TTBK2: variants seen among roughly 807,000 people sequenced by gnomAD.
TTBK2 encodes tau-tubulin kinase 2.
In TTBK2, 28 loss-of-function variants were observed where a neutral mutation model predicts 110.8. The ratio of observed to expected loss-of-function variants is 0.25; its 90% CI spans 0.19 to 0.35. The LOEUF (loss-of-function observed/expected upper bound fraction) is 0.35. Among genes scored for constraint, TTBK2 ranks in the 10% least tolerant of loss-of-function variants. The probability of loss-of-function intolerance (pLI) is 1.00; values close to 1 mark genes in which losing one functional copy is unlikely to be tolerated. For synonymous variants in TTBK2, 532 were observed against 527.3 expected (o/e 1.01, Z -0.12); for missense variants, 1,369 against 1,500.3 (o/e 0.91, Z 1.45).
chr15:42,849,949 CTG>C (rs1173837674), intron 3 of TTBK2, among the ~76,000 whole-genome samples: 3 of 152,158 alleles, frequency 2.0e-5, no homozygotes, highest in Non-Finnish European at 4.4e-5. Context: ...CAGCAGAACT[CTG>C]GGGCTTTACT....
intron 1 of TTBK2, among the ~76,000 whole-genome samples, chr15:42,896,877 G>A (rs191102426): frequency 2.6e-5 from 4 of 151,608 alleles, no homozygotes; most frequent in East Asian, 3.9e-4. Context: ...TAATTTTTCA[G>A]TTTTAGATTT....
chr15:42,876,163 T>C (rs1032415090), intron 2 of TTBK2, among the ~76,000 whole-genome samples: 2 of 152,100 alleles, frequency 1.3e-5, no homozygotes, highest in Non-Finnish European at 2.9e-5. Flanking sequence ...CACAAAACTG[T>C]AAGCAAAATA....
At chr15:42,859,770 G>C (rs184867888) in intron 3 of TTBK2, among the ~76,000 whole-genome samples, 2 of 152,296 alleles carry the variant, frequency 1.3e-5, no homozygotes, top group East Asian at 3.9e-4. Context: ...CAGGGATGTT[G>C]AAACAATCAG....
chr15:42,841,266 G>C (rs918332158), intron 3 of TTBK2, among the ~76,000 whole-genome samples: 14 of 152,202 alleles, frequency 9.2e-5, no homozygotes, highest in Admixed American at 8.5e-4. Flanking sequence ...AAGTGCAGTG[G>C]CAAGATCTTG....
At chr15:42,802,149 G>A (rs1198965871) in intron 9 of TTBK2, 8 of 1,409,790 alleles carry the variant, frequency 5.7e-6, no homozygotes, top group Non-Finnish European at 7.9e-6. Context: ...CCTCCTGGGT[G>A]CGCACGGCCT....
intron 9 of TTBK2, among the ~76,000 whole-genome samples, chr15:42,795,433 AG>A (rs1890894471): frequency 6.6e-6 from 1 of 152,120 alleles, no homozygotes; most frequent in Admixed American, 6.6e-5. Context: ...GATCTTAAGA[AG>A]GGTCTCATAA....
intron 10 of TTBK2, among the ~76,000 whole-genome samples, chr15:42,792,234 G>A (rs1890720550): frequency 6.6e-6 from 1 of 152,150 alleles, no homozygotes; most frequent in African/African-American, 2.4e-5. Flanking sequence ...TTGAGGTAAT[G>A]GATATCCTAA....
intron 1 of TTBK2, among the ~76,000 whole-genome samples, chr15:42,892,404 T>C (rs1895493328): frequency 6.6e-6 from 1 of 152,118 alleles, no homozygotes; most frequent in South Asian, 2.1e-4. Context: ...ATTTATTATT[T>C]GGACCTTTAA....
At position 42,875,905 on chromosome 15, in the gene TTBK2, C is replaced by CAAAAA. The variant is rs57982301; in HGVS notation, c.69+2639_69+2643dup. Among the ~76,000 whole-genome samples the CAAAAA allele has an allele frequency of 9.9e-4, 56 of 56,336 alleles. 1 individual carries two copies. Among genetic ancestry groups the CAAAAA allele is most frequent in the East Asian group, 2.2e-3 (4 of 1,780 alleles). 37.0% of individuals were successfully genotyped at this position (56,336 alleles called of 152,430 possible). ...TGGGCGACAGAGCAAGACTCCGTCT[C>CAAAAA]AAAAAAAAAAAAAAAAAAAAAAGAA... On this transcript the variant is annotated intron_variant, in intron 2 of 14. Coordinates refer to ENST00000267890, the MANE Select transcript of TTBK2 (RefSeq NM_173500.4).
chr15:42,860,282 CA>C (rs915510708), intron 3 of TTBK2, among the ~76,000 whole-genome samples: 93 of 149,238 alleles, frequency 6.2e-4, no homozygotes, highest in African/African-American at 2.3e-3. Flanking sequence ...AACAAACAAA[CA>C]AAAAACCCCA....
intron 1 of TTBK2, among the ~76,000 whole-genome samples, chr15:42,915,773 C>A (rs1007547936): frequency 5.3e-5 from 8 of 152,054 alleles, no homozygotes; most frequent in African/African-American, 1.7e-4. Flanking sequence ...ATAGTGGGAC[C>A]CCACCTATAC....
chr15:42,761,583 C>CAAAAAAAAAAAAAAAAA (rs201258034), intron 13 of TTBK2, among the ~76,000 whole-genome samples: 1 of 104,284 alleles, frequency 9.6e-6, no homozygotes. Flanking sequence ...TCTCAACAGC[C>CAAAAAAAAAAAAAAAAA]AAAAAAAAAA....
chr15:42,750,800 A>C (rs2061855354), intron 14 of TTBK2, among the ~76,000 whole-genome samples: 1 of 152,252 alleles, frequency 6.6e-6, no homozygotes, highest in Admixed American at 6.5e-5. Context: ...TCAGAGACCC[A>C]CAATGAGACA....
At chr15:42,788,807 A>T (rs1182684888) in intron 10 of TTBK2, among the ~76,000 whole-genome samples, 1 of 152,124 alleles carries the variant, frequency 6.6e-6, no homozygotes, top group East Asian at 1.9e-4. Flanking sequence ...TATAACCCAA[A>T]CTGAAAATGT....
chr15:42,817,975 A>C (rs1892111723), intron 6 of TTBK2, among the ~76,000 whole-genome samples: 1 of 151,984 alleles, frequency 6.6e-6, no homozygotes, highest in Admixed American at 6.6e-5. Flanking sequence ...CTGTGGTGCC[A>C]CTCTATTCTT....
chr15:42,828,953 G>GT (rs1036310002), intron 5 of TTBK2, among the ~76,000 whole-genome samples: 2 of 151,852 alleles, frequency 1.3e-5, no homozygotes, highest in Admixed American at 6.6e-5. Context: ...AGAATTGTTA[G>GT]TTTTTTTTGT....
At chr15:42,868,643 G>A (rs1894481360) in intron 3 of TTBK2, among the ~76,000 whole-genome samples, 1 of 150,484 alleles carries the variant, frequency 6.6e-6, no homozygotes, top group Admixed American at 6.7e-5. Context: ...GACTGCTTGA[G>A]CCCAGGAATT....
intron 1 of TTBK2, among the ~76,000 whole-genome samples, chr15:42,904,996 C>G (rs2030296260): frequency 6.6e-6 from 1 of 152,014 alleles, no homozygotes. Flanking sequence ...CTCAGCTTCC[C>G]AAGTAGCTGG....
chr15:42,833,376 G>A (rs529477065), intron 4 of TTBK2, among the ~76,000 whole-genome samples: 1 of 150,980 alleles, frequency 6.6e-6, no homozygotes, highest in East Asian at 2.0e-4. Context: ...CTAAATTGAA[G>A]ACATGAAACA....
Sources: gnomAD v4.1 joint callset for allele counts (sites outside exome capture counted in the v4.1 genomes callset) on GRCh38, gnomAD v4.1.1 for gene constraint, MANE v1.5 for transcripts, NCBI Gene and HGNC (gene_info 2026-07-23, HGNC 2026-07-21) for gene names.